EEF1D: variants seen among roughly 807,000 people sequenced by gnomAD.
The protein encoded by EEF1D is eukaryotic translation elongation factor 1 delta.
EEF1D carries 47 observed loss-of-function variants against 63.9 expected under a neutral mutation model. That is an observed-to-expected ratio of 0.74 (90% CI 0.58 to 0.94). The LOEUF (loss-of-function observed/expected upper bound fraction) is 0.94, where lower values mean the gene tolerates loss of function less well. Ranked by LOEUF, EEF1D falls within the 40% of genes least tolerant of loss-of-function variation. The probability of loss-of-function intolerance (pLI) is 0.00; values close to 1 mark genes in which losing one functional copy is unlikely to be tolerated. For missense variants in EEF1D, 907 were observed against 899.0 expected, an observed-to-expected ratio of 1.01 and a Z score of -0.11; for synonymous variants, 412 against 386.1, an observed-to-expected ratio of 1.07 and a Z score of -0.79.
At chr8:143,595,395 G>C (rs113122933) in intron 1 of EEF1D, among the ~76,000 whole-genome samples, 1 of 151,910 alleles carries the variant, frequency 6.6e-6, no homozygotes, top group Non-Finnish European at 1.5e-5. Flanking sequence ...TAGTAGAGAC[G>C]GGGTTTCACC....
intron 4 of EEF1D, 27 bp from the exon 5 acceptor site, chr8:143,586,317 C>A: frequency 1.3e-6 from 2 of 1,500,970 alleles, no homozygotes; most frequent in Non-Finnish European, 1.8e-6. Flanking sequence ...AAGAACCAGT[C>A]TTTTTTTTAT....
In EEF1D at chr8:143,589,381, A is replaced by G. The variant is rs575252015; in HGVS notation, c.701T>C (p.Leu234Pro). The change falls in exon 3 of 10, where the codon CTG (leucine) becomes CCG (proline). Residue 234 changes from leucine (L) to proline (P), a missense_variant. Leu to Pro is a moderately conservative substitution (Grantham distance 98). Coordinates refer to ENST00000618139, the MANE Select transcript of EEF1D (RefSeq NM_001130053.5). The part of the protein sequence containing the change: ...SLQALVREVW[L>P]EKPRYDAAER... ...GGCTGCATCATACCGGGGCTTCTCC[A>G]GCCACACCTCCCGAACCAGTGCCTG... is the stretch of plus-strand genomic sequence containing the variant. 3.2e-6 allele frequency: 5 copies of G among 1,549,922 alleles called. No individual in the cohort carries two copies. The South Asian group carries it at 5.9e-5, about 18-fold the overall frequency.
chr8:143,585,556 T>G (rs1826415460), intron 5 of EEF1D, among the ~76,000 whole-genome samples: 2 of 152,224 alleles, frequency 1.3e-5, no homozygotes, highest in South Asian at 4.1e-4. Flanking sequence ...ACAGAAACAC[T>G]GACCCCGTTC....
chr8:143,588,279 G>GAT, intron 3 of EEF1D, among the ~76,000 whole-genome samples: 1 of 152,278 alleles, frequency 6.6e-6, no homozygotes, highest in Middle Eastern at 3.4e-3. Flanking sequence ...CCACCACCAG[G>GAT]ACACCCTCGC....
At chr8:143,581,595 G>A in intron 5 of EEF1D, 1 of 544,844 alleles carries the variant, frequency 1.8e-6, no homozygotes, top group Non-Finnish European at 3.3e-6. Flanking sequence ...CATGGCTGCT[G>A]CTGCCCGGCG....
Position 143,581,114 on chromosome 8 carries a change from G to A in EEF1D, c.1428C>T (p.Ala476=). 6.2e-7 allele frequency: 1 copy of A among 1,612,898 alleles called. No individual in the cohort carries two copies. The highest frequency in any genetic ancestry group is 8.5e-7 in the Non-Finnish European group (1 of 1,179,966). ...AGCTCTTCTCCAGCACGTTCAGCCG[G>A]GCCTCCAGCTTGGAGATGGCCTGCT... ...ELQQAISKLE[A]RLNVLEKSSP... is the part of the protein sequence containing the mutation. Residue 476 remains alanine (A), a synonymous_variant, in exon 7 of 10, where the codon GCC becomes GCT. Coordinates refer to ENST00000618139, the MANE Select transcript of EEF1D (RefSeq NM_001130053.5).
At chr8:143,596,903 GC>G (rs1828928859) in intron 1 of EEF1D, 1 of 152,328 alleles carries the variant, frequency 6.6e-6, no homozygotes, top group Admixed American at 6.5e-5. Context: ...CAAAAGTGTT[GC>G]GTCCGTGCCT....
chr8:143,585,954 T>C, intron 5 of EEF1D: 1 of 454,320 alleles, frequency 2.2e-6, no homozygotes, highest in Non-Finnish European at 3.9e-6. Flanking sequence ...ATGGCACCAC[T>C]CAGCTCCCAG....
At chr8:143,582,247 G>A (rs1235050298) in intron 5 of EEF1D, 1 of 152,372 alleles carries the variant, frequency 6.6e-6, no homozygotes, top group African/African-American at 2.4e-5. Flanking sequence ...TCTGGAGGGT[G>A]TGGGAGCTAA....
intron 7 of EEF1D, 113 bp from the exon 8 acceptor site, chr8:143,580,840 C>T: frequency 3.1e-6 from 4 of 1,298,752 alleles, no homozygotes; most frequent in Non-Finnish European, 3.3e-6. Flanking sequence ...AGGGCAGCCC[C>T]TGTGTACCGC....
rs548361410 is a variant in EEF1D, at chr8:143,580,165, C to G, written c.1752G>C (p.Val584=). 854 of 1,613,788 alleles carry G rather than the reference C, an allele frequency of 5.3e-4. 16 individuals carry two copies. In the South Asian group the frequency reaches 9.0e-3, roughly 17 times the overall value. ...CCAGCCCGTCCAGCTGGATAGAGCG[C>G]ACACAGGCCTCCAGCTGGGCCATGT... ...ETDMAQLEAC[V]RSIQLDGLVW... Residue 584 remains valine (V), a synonymous_variant, in exon 9 of 10, where the codon GTG becomes GTC. Transcript: ENST00000618139.
intron 5 of EEF1D, chr8:143,584,066 CG>C (rs1826066663): frequency 6.6e-6 from 1 of 152,236 alleles, no homozygotes; most frequent in Admixed American, 6.5e-5. Context: ...TTCTGGCCCC[CG>C]GAACTGTAAG....
At chr8:143,590,593 C>G in intron 2 of EEF1D, 1 of 1,047,310 alleles carries the variant, frequency 9.5e-7, no homozygotes, top group Non-Finnish European at 1.1e-6. Context: ...CCCAGAGCAC[C>G]CTCAAAGTTC....
intron 2 of EEF1D, chr8:143,592,151 CCAG>C (rs1828077913): frequency 1.0e-6 from 1 of 985,492 alleles, no homozygotes; most frequent in African/African-American, 1.7e-5. Context: ...GAGCAAGAGC[CCAG>C]GAGACAGGGC....
intron 5 of EEF1D, 195 bp from the exon 6 acceptor site, chr8:143,581,523 A>C (rs1329799654): frequency 1.7e-6 from 1 of 599,214 alleles, no homozygotes; most frequent in African/African-American, 1.9e-5. Flanking sequence ...ATTCTCAGCC[A>C]GGCAAAGTCC....
Position 143,580,771 on chromosome 8 carries a change from A to G in EEF1D, c.1489-44T>C, listed in dbSNP as rs1232438694. 3 of 1,602,274 alleles carry G rather than the reference A, an allele frequency of 1.9e-6. No individual in the cohort carries two copies. The African/African-American group carries it at 4.0e-5, about 21-fold the overall frequency. ...CAGGAGGCACGGCTGAGACGCCCCA[A>G]CCAGGGCCCAGAGCTGCCTGGCCAC... On this transcript the variant is annotated intron_variant, in intron 7 of 9. Transcript: ENST00000618139.
Position 143,589,708 on chromosome 8 carries a change from TAGG to T in EEF1D, c.371_373del (p.Ser124del). The T allele has an allele frequency of 6.6e-7, 1 of 1,524,950 alleles. No homozygotes were observed. Among genetic ancestry groups the T allele is most frequent in the African/African-American group, 1.4e-5 (1 of 72,036 alleles). The allele number at this position is 1,524,950 out of a possible 1,614,324, so 94.5% of individuals were successfully genotyped here. On this transcript the variant is annotated inframe_deletion, in exon 3 of 10. Coordinates refer to ENST00000618139, the MANE Select transcript of EEF1D (RefSeq NM_001130053.5). ...AGCCACATCTGCCAGCTTCTGGCGGTAGGAGCTCTCTGCCTGGTCGAAAAGTGA... is the reference window on the plus strand; with the variant it reads ...AGCCACATCTGCCAGCTTCTGGCGGTAGCTCTCTGCCTGGTCGAAAAGTGA...
At position 143,586,260 on chromosome 8, in the gene EEF1D, T is replaced by C. The variant is rs1826581571; in HGVS notation, c.1246A>G (p.Ile416Val). 5.0e-6 allele frequency: 8 copies of C among 1,609,134 alleles called. No individual in the cohort carries two copies. The East Asian group carries it at 1.6e-4, about 31-fold the overall frequency. Residue 416 changes from isoleucine (I) to valine (V), a missense_variant, in exon 5 of 10, where the codon ATT becomes GTT. Transcript: ENST00000618139. ...TGGATGTTCTCTCTGGCTCTCGCAA[T>C]GTCACGGAGGATCACGCTGGCGCCG... is the stretch of plus-strand genomic sequence containing the variant. ...ENGASVILRD[I>V]ARARENIQKS... is the part of the protein sequence containing the mutation.
intron 8 of EEF1D, 91 bp from the exon 9 acceptor site, chr8:143,580,297 T>C: frequency 1.5e-6 from 2 of 1,375,886 alleles, no homozygotes; most frequent in Non-Finnish European, 2.0e-6. Flanking sequence ...CCACTGTGTG[T>C]CCACAATTCT....
Sources: gnomAD v4.1 joint callset for allele counts (sites outside exome capture counted in the v4.1 genomes callset) on GRCh38, gnomAD v4.1.1 for gene constraint, MANE v1.5 for transcripts, NCBI Gene and HGNC (gene_info 2026-07-23, HGNC 2026-07-21) for gene names.